Variants in TNFSF4 observed in about 807,000 individuals in gnomAD.
TNFSF4 encodes the protein TNF superfamily member 4.
In TNFSF4, 4 loss-of-function variants were observed where a neutral mutation model predicts 7.3. The ratio of observed to expected loss-of-function variants is 0.55; its 90% confidence interval spans 0.27 to 1.25. The LOEUF is 1.25. Ranked by LOEUF, TNFSF4 falls within the 50% of genes most tolerant of loss-of-function variation. The pLI is 0.12. For missense variants in TNFSF4, 181 were observed against 208.8 expected (o/e 0.87, Z 0.82); for synonymous variants, 76 against 83.7 (o/e 0.91, Z 0.50).
rs906542666 is a variant in TNFSF4 at position 173,207,296 on chromosome 1, G to C, written c.-120C>G. ...AACAAAGCCTATCAATCAGAAAATA[G>C]GCAAAGGTCCCAGGGCCAGAGATAA... On this transcript the variant is annotated 5_prime_UTR_variant, in exon 1 of 3. Coordinates refer to ENST00000281834, the MANE Select transcript of TNFSF4 (RefSeq NM_003326.5). The C allele has an allele frequency of 1.1e-4, 101 of 921,062 alleles. 2 individuals carry two copies. In the African/African-American group the frequency reaches 1.5e-3, roughly 13 times the overall value. 57.1% of individuals were successfully genotyped at this position (921,062 alleles called of 1,614,324 possible). A position where few individuals can be genotyped will look rare whatever the true frequency, so the allele number is the denominator to read the frequency against.
At chr1:173,233,869 T>C in the TNFSF4 span, among the ~76,000 whole-genome samples, 7 of 152,160 alleles carry the variant, frequency 4.6e-5, no homozygotes, top group Non-Finnish European at 8.8e-5. Flanking sequence ...GGCAATACCA[T>C]TCAGGACATA....
chr1:173,243,003 G>T, the TNFSF4 span, among the ~76,000 whole-genome samples: 1 of 64,590 alleles, frequency 1.5e-5, no homozygotes, highest in Non-Finnish European at 3.4e-5. Flanking sequence ...AAGTTGGTGG[G>T]TGGGGGGGGG....
At chr1:173,322,887 G>T in the TNFSF4 span, among the ~76,000 whole-genome samples, 1 of 152,200 alleles carries the variant, frequency 6.6e-6, no homozygotes, top group African/African-American at 2.4e-5. Flanking sequence ...AAAGCGGCAG[G>T]GAAGCTCGAA....
chr1:173,427,953 C>CT, the TNFSF4 span, among the ~76,000 whole-genome samples: 1,445 of 133,608 alleles, frequency 0.011, 19 homozygotes, highest in African/African-American at 0.035. Flanking sequence ...CCATTATAAT[C>CT]TTTTTTTTTT....
chr1:173,230,567 A>AATAACTAAG, the TNFSF4 span, among the ~76,000 whole-genome samples: 4 of 152,210 alleles, frequency 2.6e-5, no homozygotes, highest in Non-Finnish European at 4.4e-5. Context: ...GAAGACAAGA[A>AATAACTAAG]ATAACTAAGA....
the TNFSF4 span, among the ~76,000 whole-genome samples, chr1:173,319,616 G>A: frequency 2.3e-3 from 350 of 152,288 alleles, 2 homozygotes; most frequent in African/African-American, 7.9e-3. Flanking sequence ...GTTCCATCTG[G>A]AATCAAGCTG....
At chr1:173,405,194 T>C in the TNFSF4 span, among the ~76,000 whole-genome samples, 1 of 152,180 alleles carries the variant, frequency 6.6e-6, no homozygotes, top group South Asian at 2.1e-4. Context: ...TGCAAATATG[T>C]TCGACTTTGT....
the TNFSF4 span, among the ~76,000 whole-genome samples, chr1:173,358,357 C>G: frequency 6.6e-6 from 1 of 152,098 alleles, no homozygotes; most frequent in Admixed American, 6.5e-5. Flanking sequence ...ATGCATCTTT[C>G]AAAAGTCTGC....
chr1:173,255,699 C>T, the TNFSF4 span, among the ~76,000 whole-genome samples: 1 of 152,184 alleles, frequency 6.6e-6, no homozygotes, highest in Non-Finnish European at 1.5e-5. Flanking sequence ...TCACAAGATC[C>T]ACTGAAACTT....
chr1:173,395,280 T>C, the TNFSF4 span, among the ~76,000 whole-genome samples: 4 of 149,468 alleles, frequency 2.7e-5, no homozygotes, highest in South Asian at 8.5e-4. Flanking sequence ...TGATAATTCA[T>C]GGCATACTCT....
chr1:173,340,045 C>T, the TNFSF4 span, among the ~76,000 whole-genome samples: 1 of 152,114 alleles, frequency 6.6e-6, no homozygotes, highest in African/African-American at 2.4e-5. Context: ...GTGGGCCCCA[C>T]TCTAACAGTT....
chr1:173,361,848 T>C, the TNFSF4 span, among the ~76,000 whole-genome samples: 1 of 152,188 alleles, frequency 6.6e-6, no homozygotes, highest in Non-Finnish European at 1.5e-5. Flanking sequence ...CCAAAATCTA[T>C]TTAAGGATCC....
the TNFSF4 span, among the ~76,000 whole-genome samples, chr1:173,427,880 G>C: frequency 1.3e-5 from 2 of 151,898 alleles, no homozygotes; most frequent in African/African-American, 4.8e-5. Flanking sequence ...ACATAGAAAA[G>C]GTAATGTGTT....
At chr1:173,338,808 T>C in the TNFSF4 span, among the ~76,000 whole-genome samples, 2 of 152,092 alleles carry the variant, frequency 1.3e-5, no homozygotes, top group South Asian at 2.1e-4. Flanking sequence ...GAATTGGAAG[T>C]TAATACTGCT....
At position 173,185,852 on chromosome 1, in the gene TNFSF4, T is replaced by G. The variant is rs1395034696; in HGVS notation, c.*664A>C. ...TTTGAAGGGAAATTTCTATTAACTATGTTTGGAGGCTGGGAAAGCAAAATG... is the reference window on the plus strand; with the variant it reads ...TTTGAAGGGAAATTTCTATTAACTAGGTTTGGAGGCTGGGAAAGCAAAATG... On this transcript the variant is annotated 3_prime_UTR_variant, in exon 3 of 3. Transcript: ENST00000281834. 1 of 151,946 alleles carries G rather than the reference T, an allele frequency of 6.6e-6. No individual in the cohort carries two copies. The highest frequency in any genetic ancestry group is 6.6e-5 in the Admixed American group (1 of 15,220). 9.4% of individuals were successfully genotyped at this position (151,946 alleles called of 1,614,324 possible). A position where few individuals can be genotyped will look rare whatever the true frequency, so the allele number is the denominator to read the frequency against.
the TNFSF4 span, among the ~76,000 whole-genome samples, chr1:173,265,018 T>C: frequency 1.3e-5 from 2 of 152,172 alleles, no homozygotes; most frequent in African/African-American, 2.4e-5. Context: ...TTGATGGAAA[T>C]ATGTGTAAAG....
chr1:173,305,893 T>A, the TNFSF4 span, among the ~76,000 whole-genome samples: 1 of 151,584 alleles, frequency 6.6e-6, no homozygotes, highest in Non-Finnish European at 1.5e-5. Flanking sequence ...GGATTAAAAG[T>A]CCCTCCCTCA....
At chr1:173,180,496 T>G (rs1037973539), downstream of TNFSF4, among the ~76,000 whole-genome samples, 1 of 152,190 alleles carries the variant, frequency 6.6e-6, no homozygotes, top group Non-Finnish European at 1.5e-5. Context: ...GTCTCAGGTC[T>G]CCTTATGTTA....
the TNFSF4 span, among the ~76,000 whole-genome samples, chr1:173,260,905 C>A: frequency 1.3e-5 from 2 of 152,128 alleles, no homozygotes; most frequent in African/African-American, 4.8e-5. Context: ...CTTTAACACC[C>A]CACTGTCAAT....
Sources: gnomAD v4.1 joint callset for allele counts (sites outside exome capture counted in the v4.1 genomes callset) on GRCh38, gnomAD v4.1.1 for gene constraint, MANE v1.5 for transcripts, NCBI Gene and HGNC (gene_info 2026-07-23, HGNC 2026-07-21) for gene names.